Variants in LRR1 observed in about 807,000 individuals in gnomAD.
The protein encoded by LRR1 is leucine rich repeat protein 1.
In LRR1, 29 loss-of-function variants were observed where a neutral mutation model predicts 31.6. The observed-to-expected ratio is 0.92, with a 90% CI of 0.68 to 1.25. The LOEUF (loss-of-function observed/expected upper bound fraction) is 1.25. LRR1 is among the 50% of genes most tolerant of loss of function. LRR1 has a pLI of 0.00. For synonymous variants in LRR1, 179 were observed against 181.4 expected, an observed-to-expected ratio of 0.99 and a Z score of 0.10; for missense variants, 485 against 487.2, an observed-to-expected ratio of 1.00 and a Z score of 0.04.
intron 3 of LRR1, 64 bp downstream of exon 3, chr14:49,608,185 C>CA: frequency 2.1e-6 from 3 of 1,450,960 alleles, no homozygotes; most frequent in East Asian, 4.6e-5. Flanking sequence ...CTATCAAACT[C>CA]AGAGTAATAA....
At chr14:49,599,268 C>G (rs1881940954) in intron 1 of LRR1, 65 bp downstream of exon 1, 2 of 1,485,394 alleles carry the variant, frequency 1.3e-6, no homozygotes, top group African/African-American at 2.8e-5. Context: ...GCGGGCCACC[C>G]TCGGTCCTCA....
intron 3 of LRR1, among the ~76,000 whole-genome samples, chr14:49,611,513 GTGATACTGA>G (rs1317002950): frequency 1.3e-5 from 2 of 152,144 alleles, no homozygotes; most frequent in East Asian, 3.8e-4. Context: ...ATCACCAGAG[GTGATACTGA>G]TGATTCAGGT....
At chr14:49,600,233 G>T (rs946955645) in intron 1 of LRR1, 2 of 1,486,830 alleles carry the variant, frequency 1.3e-6, no homozygotes, top group Non-Finnish European at 1.9e-6. Flanking sequence ...CTTACCCAAT[G>T]ACCGACGTCT....
intron 1 of LRR1, chr14:49,601,399 G>C: frequency 2.0e-6 from 1 of 497,080 alleles, no homozygotes. Context: ...GTACATAGTG[G>C]GTTCTGAATC....
chr14:49,603,548 T>TTTG (rs1882157675), intron 2 of LRR1: 1 of 177,898 alleles, frequency 5.6e-6, no homozygotes, highest in African/African-American at 3.2e-5. Context: ...TTTTTTTTTT[T>TTTG]GAGATGGAGT....
In LRR1 at chr14:49,598,953, G is replaced by A. The variant is rs781696623; in HGVS notation, c.-68G>A. On this transcript the variant is annotated 5_prime_UTR_variant, in exon 1 of 4. Transcript: ENST00000298288. ...GCCCGCGTGCGCGAGGACCCCGATG[G>A]CGGCGCCGGGTGGCGGGAAGGAGGA... The A allele has an allele frequency of 1.2e-4, 185 of 1,523,274 alleles. No individual in the cohort carries two copies. Among genetic ancestry groups the A allele is most frequent in the Non-Finnish European group, 1.6e-4 (176 of 1,128,712 alleles). 94.4% of individuals were successfully genotyped at this position (1,523,274 alleles called of 1,614,324 possible). A position where few individuals can be genotyped will look rare whatever the true frequency, so the allele number is the denominator to read the frequency against.
intron 2 of LRR1, among the ~76,000 whole-genome samples, chr14:49,604,528 C>T (rs933725349): frequency 4.6e-5 from 7 of 151,706 alleles, no homozygotes; most frequent in Non-Finnish European, 1.0e-4. Flanking sequence ...GGTGAAACCC[C>T]ATCTCTACAA....
chr14:49,602,269 A>T (rs1465599154), intron 1 of LRR1, 101 bp from the exon 2 acceptor site: 3 of 1,063,924 alleles, frequency 2.8e-6, no homozygotes, highest in Non-Finnish European at 4.2e-6. Context: ...CTAAAAGCCA[A>T]ACCAAAGCCT....
At chr14:49,610,252 T>G (rs1181051610) in intron 3 of LRR1, among the ~76,000 whole-genome samples, 1 of 150,340 alleles carries the variant, frequency 6.7e-6, no homozygotes, top group African/African-American at 2.4e-5. Flanking sequence ...TGAGGGTTTT[T>G]TTTTTTTTTT....
At chr14:49,601,546 C>G (rs1046031594) in intron 1 of LRR1, 12 of 1,105,878 alleles carry the variant, frequency 1.1e-5, no homozygotes, top group Middle Eastern at 2.3e-4. Context: ...TTCTAGCACT[C>G]AGGATAGAAT....
At position 49,614,425 on chromosome 14, in the gene LRR1, A is replaced by G. The variant is rs766870127; in HGVS notation, c.1174A>G (p.Thr392Ala). 6 of 1,614,010 alleles carry G rather than the reference A, an allele frequency of 3.7e-6. No homozygotes were observed. The highest frequency in any genetic ancestry group is 5.1e-6 in the Non-Finnish European group (6 of 1,179,932). The change falls in exon 4 of 4, where the codon ACT becomes GCT. Residue 392 changes from threonine (T) to alanine (A), a missense_variant. Thr to Ala is a moderately conservative substitution (Grantham distance 58, BLOSUM62 0). Transcript: ENST00000298288. ...TVVLVDNLGGTEAPIISYFCS... is the reference protein window; with the variant it reads ...TVVLVDNLGGAEAPIISYFCS... Reference sequence around the variant, plus strand: ...GGTCTTAGTAGATAATTTGGGTGGTACTGAAGCACCTATTATCTCTTATTT... The same window carrying G: ...GGTCTTAGTAGATAATTTGGGTGGTGCTGAAGCACCTATTATCTCTTATTT...
intron 2 of LRR1, among the ~76,000 whole-genome samples, chr14:49,604,023 C>T (rs1437929254): frequency 4.7e-5 from 7 of 149,482 alleles, no homozygotes; most frequent in African/African-American, 1.2e-4. Flanking sequence ...TAAACTGAGG[C>T]TGGGTGCCAT....
chr14:49,613,112 G>C (rs1185440616), intron 3 of LRR1, among the ~76,000 whole-genome samples: 1 of 152,156 alleles, frequency 6.6e-6, no homozygotes, highest in African/African-American at 2.4e-5. Flanking sequence ...GGCCAAGGCG[G>C]ACAGATCACA....
intron 1 of LRR1, among the ~76,000 whole-genome samples, chr14:49,599,446 G>A (rs1881950670): frequency 6.6e-6 from 1 of 152,184 alleles, no homozygotes; most frequent in South Asian, 2.1e-4. Context: ...CCACTTTTAC[G>A]ACTTTGAATT....
chr14:49,610,183 C>T (rs571977273), intron 3 of LRR1, among the ~76,000 whole-genome samples: 3 of 151,832 alleles, frequency 2.0e-5, no homozygotes, highest in South Asian at 2.1e-4. Flanking sequence ...TTCTCTTCTC[C>T]TTGTCTGAAC....
At chr14:49,603,571 C>G (rs1204993155) in intron 2 of LRR1, 2 of 520,588 alleles carry the variant, frequency 3.8e-6, no homozygotes, top group East Asian at 2.8e-4. Flanking sequence ...CATTCTGTCA[C>G]CCAGGTTGGA....
Position 49,602,454 on chromosome 14 carries a change from ATCTG to A in LRR1, c.272_275del (p.Cys91Ter). The A allele has an allele frequency of 6.2e-7, 1 of 1,612,882 alleles. No individual in the cohort carries two copies. ...TCGGTTAAAGGAGCCTCCTGTGGAT[ATCTG>A]TCTAAGTAAGGTATGGTATTAAAAA... On this transcript the variant is annotated frameshift_variant, in exon 2 of 4. Coordinates refer to ENST00000298288, the MANE Select transcript of LRR1 (RefSeq NM_152329.4). LOFTEE classifies it high-confidence loss of function.
chr14:49,603,002 A>ATT (rs34024087), intron 2 of LRR1, among the ~76,000 whole-genome samples: 4,876 of 139,522 alleles, frequency 0.035, 98 homozygotes, highest in Middle Eastern at 0.11. Context: ...TGCGTGGCTG[A>ATT]TTTTTTTTTT....
At chr14:49,603,539 T>C in intron 2 of LRR1, 2 of 275,144 alleles carry the variant, frequency 7.3e-6, no homozygotes, top group Non-Finnish European at 1.3e-5. Context: ...TTTTTTTTTT[T>C]TTTTTTTTTG....
Sources: allele counts gnomAD v4.1 joint callset (sites outside exome capture counted in the v4.1 genomes callset), GRCh38; gene constraint gnomAD v4.1.1; transcripts MANE v1.5; gene names NCBI Gene and HGNC (gene_info 2026-07-23, HGNC 2026-07-21).